The following SCHIP1 variants were observed in gnomAD, a reference collection of about 807,000 sequenced individuals.
SCHIP1 encodes the protein schwannomin-interacting protein 1.
In SCHIP1, 8 loss-of-function variants were observed where a neutral mutation model predicts 29.7. The observed-to-expected ratio is 0.27, with a 90% confidence interval of 0.16 to 0.49. The LOEUF is 0.49. Among genes scored for constraint, SCHIP1 ranks in the 20% least tolerant of loss-of-function variants. SCHIP1 has a pLI of 0.99. For synonymous variants in SCHIP1, 76 were observed against 94.9 expected, an observed-to-expected ratio of 0.80 and a Z score of 1.16; for missense variants, 193 against 294.6, an observed-to-expected ratio of 0.66 and a Z score of 2.52.
the SCHIP1 span, among the ~76,000 whole-genome samples, chr3:159,310,412 T>C: frequency 1.3e-5 from 2 of 152,186 alleles, no homozygotes; most frequent in Non-Finnish European, 2.9e-5. Context: ...CTATTTTTTG[T>C]TCCTCATTAG....
chr3:159,565,462 C>T, the SCHIP1 span, among the ~76,000 whole-genome samples: 1 of 152,154 alleles, frequency 6.6e-6, no homozygotes, highest in Non-Finnish European at 1.5e-5. Context: ...TGGCGCATCT[C>T]CTATGTTTCT....
At chr3:159,565,008 G>A in the SCHIP1 span, among the ~76,000 whole-genome samples, 8 of 152,304 alleles carry the variant, frequency 5.3e-5, no homozygotes, top group African/African-American at 1.9e-4. Flanking sequence ...GTATGTGCAT[G>A]TGCTTAGCTT....
chr3:159,451,522 T>C, the SCHIP1 span, among the ~76,000 whole-genome samples: 5 of 152,234 alleles, frequency 3.3e-5, no homozygotes, highest in Admixed American at 3.3e-4. Flanking sequence ...AACTGATCTT[T>C]GGTGTAAATT....
At chr3:159,378,924 A>G in the SCHIP1 span, among the ~76,000 whole-genome samples, 43 of 152,264 alleles carry the variant, frequency 2.8e-4, no homozygotes, top group African/African-American at 9.6e-4. Flanking sequence ...TTCTCTGTTG[A>G]GTGAAAGGAT....
chr3:159,347,949 T>C, the SCHIP1 span, among the ~76,000 whole-genome samples: 7 of 152,290 alleles, frequency 4.6e-5, no homozygotes, highest in South Asian at 4.1e-4. Flanking sequence ...ATGGATTCAG[T>C]GAGAAGATTG....
chr3:159,803,532 C>A, the SCHIP1 span, among the ~76,000 whole-genome samples: 1 of 152,162 alleles, frequency 6.6e-6, no homozygotes, highest in African/African-American at 2.4e-5. Flanking sequence ...TTGCACACTG[C>A]TTCACTACAA....
chr3:159,724,441 T>C, the SCHIP1 span, among the ~76,000 whole-genome samples: 1 of 152,168 alleles, frequency 6.6e-6, no homozygotes, highest in Non-Finnish European at 1.5e-5. Context: ...AGCGTCTTTT[T>C]CCCCAGGGCA....
chr3:159,889,769 G>A (rs1219140157), intron 5 of SCHIP1, among the ~76,000 whole-genome samples: 2 of 152,154 alleles, frequency 1.3e-5, no homozygotes, highest in East Asian at 3.9e-4. Flanking sequence ...TTTATTTTAG[G>A]TGTGATAAAG....
the SCHIP1 span, chr3:159,375,561 C>G: frequency 6.6e-6 from 1 of 152,150 alleles, no homozygotes; most frequent in Non-Finnish European, 1.5e-5. Context: ...ATGGTGAAAC[C>G]CTGTCTCTAC....
the SCHIP1 span, among the ~76,000 whole-genome samples, chr3:159,497,993 AT>A: frequency 2.7e-4 from 41 of 152,076 alleles, no homozygotes; most frequent in African/African-American, 9.4e-4. Context: ...ACTTATTTGA[AT>A]TTTTTTTCTC....
chr3:159,716,820 G>C, the SCHIP1 span, among the ~76,000 whole-genome samples: 1 of 152,098 alleles, frequency 6.6e-6, no homozygotes, highest in Admixed American at 6.5e-5. Context: ...GTCAACATTA[G>C]ACAGATCAAC....
the SCHIP1 span, among the ~76,000 whole-genome samples, chr3:159,326,820 T>C: frequency 2.6e-5 from 4 of 152,138 alleles, no homozygotes; most frequent in African/African-American, 9.7e-5. Context: ...TTCTGGGTCA[T>C]TTCCACAAAA....
chr3:159,664,496 GCTTA>G, the SCHIP1 span, among the ~76,000 whole-genome samples: 3 of 151,582 alleles, frequency 2.0e-5, no homozygotes, highest in Non-Finnish European at 4.4e-5. Context: ...GGAAATAAAA[GCTTA>G]TTTAATAAAA....
the SCHIP1 span, among the ~76,000 whole-genome samples, chr3:159,467,089 C>T: frequency 6.6e-6 from 1 of 151,978 alleles, no homozygotes. Context: ...CGTTCTGTAC[C>T]TCTATCTCTG....
At chr3:159,896,887 T>C in exon 7 of SCHIP1, 1 of 1,147,244 alleles carries the variant, frequency 8.7e-7, no homozygotes, top group East Asian at 2.8e-5. Context: ...TCATTGATAA[T>C]GTCTGAAGCT....
At chr3:159,648,635 C>T in the SCHIP1 span, among the ~76,000 whole-genome samples, 1 of 152,256 alleles carries the variant, frequency 6.6e-6, no homozygotes, top group Admixed American at 6.5e-5. Flanking sequence ...CACACACACC[C>T]CCAAATCTAC....
chr3:159,395,042 G>T, the SCHIP1 span, among the ~76,000 whole-genome samples: 97 of 152,226 alleles, frequency 6.4e-4, no homozygotes, highest in Non-Finnish European at 1.2e-3. Flanking sequence ...GTTTAGTCTT[G>T]GTAGAGTGTA....
At chr3:159,820,221 G>C in the SCHIP1 span, among the ~76,000 whole-genome samples, 1 of 152,058 alleles carries the variant, frequency 6.6e-6, no homozygotes, top group Non-Finnish European at 1.5e-5. Flanking sequence ...CAACCCTAAA[G>C]TTAATTCTGT....
the SCHIP1 span, among the ~76,000 whole-genome samples, chr3:159,684,372 G>C: frequency 6.6e-6 from 1 of 152,110 alleles, no homozygotes; most frequent in Non-Finnish European, 1.5e-5. Flanking sequence ...GACAACATTG[G>C]TGTTTTCTCA....
Sources: gnomAD v4.1 joint callset for allele counts (sites outside exome capture counted in the v4.1 genomes callset) on GRCh38, gnomAD v4.1.1 for gene constraint, MANE v1.5 for transcripts, NCBI Gene and HGNC (gene_info 2026-07-23, HGNC 2026-07-21) for gene names.